Variants in SNX2 observed in about 807,000 individuals in gnomAD.
The protein encoded by SNX2 is sorting nexin-2.
A neutral mutation model predicts 69.9 loss-of-function variants in SNX2; 25 were observed. The ratio of observed to expected loss-of-function variants is 0.36; its 90% CI spans 0.26 to 0.50. The LOEUF is 0.50. SNX2 is among the 20% of genes least tolerant of loss of function. The pLI, the probability that SNX2 is intolerant of heterozygous loss-of-function variation, is 0.97. For synonymous variants in SNX2, 229 were observed against 200.4 expected, an observed-to-expected ratio of 1.14 and a Z score of -1.20; for missense variants, 551 against 613.3, an observed-to-expected ratio of 0.90 and a Z score of 1.07.
chr5:122,775,422 G>T (rs527319894), intron 1 of SNX2: 2 of 1,266,056 alleles, frequency 1.6e-6, no homozygotes, highest in African/African-American at 3.1e-5. Flanking sequence ...CGGCCCGCGG[G>T]TGCCGACCTA....
At chr5:122,827,518 G>A (rs751462112) in intron 13 of SNX2, 57 bp from the exon 14 acceptor site, 3 of 1,603,710 alleles carry the variant, frequency 1.9e-6, no homozygotes, top group African/African-American at 1.3e-5. Flanking sequence ...CTGCAATTTT[G>A]TGGTAAAGTT....
At chr5:122,785,543 C>T (rs889238653) in intron 1 of SNX2, among the ~76,000 whole-genome samples, 1 of 152,052 alleles carries the variant, frequency 6.6e-6, no homozygotes, top group African/African-American at 2.4e-5. Flanking sequence ...TCCCTCTAAG[C>T]ATGACTTTGG....
chr5:122,793,634 G>A (rs1753297025), intron 1 of SNX2, among the ~76,000 whole-genome samples: 1 of 152,156 alleles, frequency 6.6e-6, no homozygotes, highest in African/African-American at 2.4e-5. Flanking sequence ...TTTTGGCCAG[G>A]CACAGTGGCT....
chr5:122,829,681 ATGTTGT>A lies in SNX2; in HGVS notation c.*35_*40del, dbSNP rs1273132630. ...ATTGTTGCCGTTAAGAAGACCTTGG[ATGTTGT>A]TCCAGTTATGCTGGATTCCACAGTG... On this transcript the variant is annotated 3_prime_UTR_variant, in exon 15 of 15. Transcript: ENST00000379516. 4.4e-6 allele frequency: 7 copies of A among 1,584,882 alleles called. No individual in the cohort carries two copies. In the Admixed American group the frequency reaches 5.0e-5, roughly 11 times the overall value.
Position 122,808,257 on chromosome 5 carries a change from C to T in SNX2, c.644-20C>T. On this transcript the variant is annotated intron_variant, in intron 6 of 14. Transcript: ENST00000379516. ...ACAGCAATATAAAGTCATCATGAAT[C>T]TCATTCAACTTCTTCAAAGGGATGA... 1.3e-6 allele frequency: 2 copies of T among 1,481,888 alleles called. No individual in the cohort carries two copies. The highest frequency in any genetic ancestry group is 1.9e-6 in the Non-Finnish European group (2 of 1,073,962). The allele number at this position is 1,481,888 out of a possible 1,614,324, so 91.8% of individuals were successfully genotyped here. A position where few individuals can be genotyped will look rare whatever the true frequency, so the allele number is the denominator to read the frequency against.
chr5:122,799,997 C>G (rs867157903), intron 3 of SNX2, 142 bp downstream of exon 3: 1 of 600,788 alleles, frequency 1.7e-6, no homozygotes, highest in Middle Eastern at 4.6e-4. Flanking sequence ...GTTATGGGAT[C>G]TGGCTTCTAT....
intron 6 of SNX2, among the ~76,000 whole-genome samples, chr5:122,805,653 A>C (rs1260455147): frequency 6.6e-6 from 1 of 151,862 alleles, no homozygotes; most frequent in African/African-American, 2.4e-5. Context: ...ATCTGTAGGG[A>C]TGGTTCTATA....
At chr5:122,802,046 G>T in intron 4 of SNX2, 35 bp from the exon 5 acceptor site, 1 of 1,591,906 alleles carries the variant, frequency 6.3e-7, no homozygotes. Context: ...TTTTATGCAT[G>T]TGATTTTAAT....
At chr5:122,829,460 C>A in intron 14 of SNX2, 138 bp from the exon 15 acceptor site, 1 of 602,764 alleles carries the variant, frequency 1.7e-6, no homozygotes, top group Non-Finnish European at 3.0e-6. Flanking sequence ...CCATCTCAGC[C>A]TCCCAAAGTG....
chr5:122,795,575 G>A, intron 2 of SNX2, 192 bp downstream of exon 2: 1 of 465,074 alleles, frequency 2.2e-6, no homozygotes, highest in South Asian at 4.0e-5. Context: ...AAGCAAAAAT[G>A]TGGTTCTTTC....
At chr5:122,784,378 T>G (rs770819060) in intron 1 of SNX2, among the ~76,000 whole-genome samples, 4 of 152,060 alleles carry the variant, frequency 2.6e-5, no homozygotes, top group South Asian at 4.1e-4. Flanking sequence ...GAAGTTCTCC[T>G]CTGTTTCTAG....
At chr5:122,787,760 C>T (rs1291757402) in intron 1 of SNX2, among the ~76,000 whole-genome samples, 1 of 152,138 alleles carries the variant, frequency 6.6e-6, no homozygotes, top group African/African-American at 2.4e-5. Flanking sequence ...GTTATATAAA[C>T]ATGTTTGTTT....
At chr5:122,819,082 T>G in intron 11 of SNX2, 59 bp downstream of exon 11, 1 of 1,353,830 alleles carries the variant, frequency 7.4e-7, no homozygotes, top group Non-Finnish European at 1.0e-6. Context: ...GTATTTTGTT[T>G]CCTATTAATT....
At chr5:122,815,639 T>A (rs1210754553) in intron 7 of SNX2, 2 of 256,664 alleles carry the variant, frequency 7.8e-6, no homozygotes. Context: ...TTATTTAACC[T>A]CTCCCCACTC....
intron 1 of SNX2, among the ~76,000 whole-genome samples, chr5:122,789,492 C>CAA (rs1192889082): frequency 6.6e-6 from 1 of 151,402 alleles, no homozygotes; most frequent in Non-Finnish European, 1.5e-5. Context: ...CACACACACA[C>CAA]ACACACACAC....
intron 11 of SNX2, among the ~76,000 whole-genome samples, chr5:122,823,544 T>C (rs1007624426): frequency 6.6e-5 from 10 of 152,184 alleles, no homozygotes; most frequent in South Asian, 2.1e-4. Context: ...TAAGCAAATA[T>C]TGAATTAAAG....
At chr5:122,809,147 T>G (rs1753715378) in intron 7 of SNX2, among the ~76,000 whole-genome samples, 1 of 152,104 alleles carries the variant, frequency 6.6e-6, no homozygotes, top group South Asian at 2.1e-4. Flanking sequence ...TTAACAACTG[T>G]TTTCATAGTA....
At chr5:122,779,780 CAGGTTTGTTAAT>C (rs1321540872) in intron 1 of SNX2, among the ~76,000 whole-genome samples, 4 of 151,896 alleles carry the variant, frequency 2.6e-5, no homozygotes, top group Non-Finnish European at 5.9e-5. Flanking sequence ...GGAGGATTCG[CAGGTTTGTTAAT>C]AGGTAAATGT....
intron 8 of SNX2, 146 bp downstream of exon 8, chr5:122,816,117 C>G (rs1253778264): frequency 9.2e-6 from 4 of 434,152 alleles, no homozygotes; most frequent in Non-Finnish European, 1.6e-5. Context: ...CTTTAATTAC[C>G]CTGCTAAATT....
Sources: gnomAD v4.1 joint callset for allele counts (sites outside exome capture counted in the v4.1 genomes callset) on GRCh38, gnomAD v4.1.1 for gene constraint, MANE v1.5 for transcripts, NCBI Gene and HGNC (gene_info 2026-07-23, HGNC 2026-07-21) for gene names.